FRYL: variants seen among roughly 807,000 people sequenced by gnomAD.
FRYL encodes FRY like transcription coactivator, also known as protein furry homolog-like.
In FRYL, 150 loss-of-function variants were observed where a neutral mutation model predicts 351.2. The ratio of observed to expected loss-of-function variants is 0.43; its 90% confidence interval spans 0.37 to 0.49. FRYL has a LOEUF of 0.49. Ranked by LOEUF, FRYL falls within the 20% of genes least tolerant of loss-of-function variation. FRYL has a pLI of 0.00. For missense variants in FRYL, 3,036 were observed against 3,619.3 expected (o/e 0.84, Z 4.13); for synonymous variants, 1,153 against 1,257.1 (o/e 0.92, Z 1.75).
rs1240629625 is a variant in FRYL, at chr4:48,570,891, T to C, written c.2932A>G (p.Ile978Val). Residue 978 changes from isoleucine to valine, a missense_variant, in exon 27 of 64, where the codon ATT becomes GTT. By Grantham distance (29) the Ile-to-Val change is conservative (BLOSUM62 3). Around this residue, in one of 7 missense-constraint regions of FRYL, gnomAD observed 492 missense variants for 551.5 expected, o/e 0.89. Coordinates refer to ENST00000358350, the MANE Select transcript of FRYL (RefSeq NM_015030.2). ...ENMKRRRRRD[I>V]LRVQLVRIFE... ...ATTCGTACCAGTTGTACTCGTAAAA[T>C]GTCTCGACGCCTGCGCCGTTTCATA... is the stretch of plus-strand genomic sequence containing the variant. The C allele has an allele frequency of 1.2e-6, 2 of 1,613,888 alleles. No individual in the cohort carries two copies. The highest frequency in any genetic ancestry group is 3.3e-5 in the Admixed American group (2 of 60,028).
At chr4:48,502,687 G>C in intron 61 of FRYL, 141 bp downstream of exon 61, 1 of 546,834 alleles carries the variant, frequency 1.8e-6, no homozygotes, top group Non-Finnish European at 3.3e-6. Context: ...CATGGATTAG[G>C]GCTTTGCAAA....
intron 4 of FRYL, among the ~76,000 whole-genome samples, chr4:48,628,345 A>G (rs908861366): frequency 2.0e-5 from 3 of 152,118 alleles, no homozygotes; most frequent in Non-Finnish European, 4.4e-5. Flanking sequence ...TGGCTGATAC[A>G]TAATAATCTC....
intron 4 of FRYL, among the ~76,000 whole-genome samples, chr4:48,626,567 C>G (rs1394206054): frequency 6.6e-6 from 1 of 151,832 alleles, no homozygotes; most frequent in Non-Finnish European, 1.5e-5. Context: ...GCTGGCTGCC[C>G]CTAACTTACT....
chr4:48,761,438 CAT>C (rs1399657238), intron 1 of FRYL, among the ~76,000 whole-genome samples: 1 of 152,140 alleles, frequency 6.6e-6, no homozygotes, highest in South Asian at 2.1e-4. Flanking sequence ...ATGCACTACT[CAT>C]GTGTCTGAGG....
At chr4:48,774,427 T>C (rs1013702191) in intron 1 of FRYL, among the ~76,000 whole-genome samples, 1 of 152,200 alleles carries the variant, frequency 6.6e-6, no homozygotes, top group Non-Finnish European at 1.5e-5. Context: ...ACATGGTCCC[T>C]TTCTTAACAC....
chr4:48,664,586 A>G (rs1305919069), intron 3 of FRYL, among the ~76,000 whole-genome samples: 1 of 152,200 alleles, frequency 6.6e-6, no homozygotes, highest in Non-Finnish European at 1.5e-5. Flanking sequence ...CACATAAAGA[A>G]GAGTCTAGGC....
chr4:48,577,376 TTAAGG>T (rs1339521034), intron 23 of FRYL, among the ~76,000 whole-genome samples: 3 of 152,188 alleles, frequency 2.0e-5, no homozygotes, highest in Non-Finnish European at 4.4e-5. Context: ...TTGTAATATG[TTAAGG>T]TAAGTAATGC....
chr4:48,755,944 A>G (rs1773728137), intron 1 of FRYL, among the ~76,000 whole-genome samples: 2 of 152,004 alleles, frequency 1.3e-5, no homozygotes, highest in Non-Finnish European at 2.9e-5. Context: ...ATTAAAAAAA[A>G]AAAAGAGGCC....
At chr4:48,705,844 CT>C (rs1010281001) in intron 2 of FRYL, among the ~76,000 whole-genome samples, 169 of 148,644 alleles carry the variant, frequency 1.1e-3, no homozygotes, top group African/African-American at 3.7e-3. Flanking sequence ...TATTCACCTC[CT>C]TTTTTTTTTG....
At chr4:48,778,829 T>C (rs1776302813) in intron 1 of FRYL, among the ~76,000 whole-genome samples, 1 of 152,160 alleles carries the variant, frequency 6.6e-6, no homozygotes, top group African/African-American at 2.4e-5. Flanking sequence ...CAAAACCCTT[T>C]TTCCCCCCCA....
chr4:48,625,294 C>G (rs1560739973), intron 4 of FRYL, among the ~76,000 whole-genome samples: 1 of 152,080 alleles, frequency 6.6e-6, no homozygotes, highest in African/African-American at 2.4e-5. Flanking sequence ...AAAATGTATA[C>G]ACATTTGCAA....
intron 11 of FRYL, 84 bp downstream of exon 11, chr4:48,605,657 T>G: frequency 1.1e-6 from 1 of 927,432 alleles, no homozygotes; most frequent in Non-Finnish European, 1.7e-6. Context: ...CATGTAAGTA[T>G]TTTTAGGACA....
chr4:48,777,867 G>C (rs1460087406), intron 1 of FRYL, among the ~76,000 whole-genome samples: 2 of 152,092 alleles, frequency 1.3e-5, no homozygotes, highest in Non-Finnish European at 2.9e-5. Flanking sequence ...GAAATATTAG[G>C]TGAAACAATG....
intron 2 of FRYL, among the ~76,000 whole-genome samples, chr4:48,686,574 TA>T: frequency 6.6e-6 from 1 of 152,212 alleles, no homozygotes; most frequent in South Asian, 2.1e-4. Context: ...CACTGGACAA[TA>T]TTTAATGAGA....
intron 27 of FRYL, among the ~76,000 whole-genome samples, chr4:48,569,848 C>T (rs1389669201): frequency 6.6e-6 from 1 of 152,216 alleles, no homozygotes; most frequent in Middle Eastern, 3.4e-3. Context: ...AAGTCTCGCT[C>T]TTTTCCCAGG....
At chr4:48,607,647 C>A (rs1340748690) in intron 9 of FRYL, among the ~76,000 whole-genome samples, 3 of 152,150 alleles carry the variant, frequency 2.0e-5, no homozygotes, top group Non-Finnish European at 2.9e-5. Flanking sequence ...TCAACCCCAC[C>A]ACCTGCCCCC....
chr4:48,741,123 G>A (rs765354487), intron 1 of FRYL, among the ~76,000 whole-genome samples: 2 of 152,098 alleles, frequency 1.3e-5, no homozygotes, highest in Non-Finnish European at 2.9e-5. Flanking sequence ...AAAAAGCCAT[G>A]GAGGCCGGGT....
chr4:48,510,846 C>T lies in FRYL; in HGVS notation c.8284G>A (p.Asp2762Asn). The T allele has an allele frequency of 6.2e-7, 1 of 1,611,678 alleles. No individual in the cohort carries two copies. The highest frequency in any genetic ancestry group is 8.5e-7 in the Non-Finnish European group (1 of 1,178,936). ...ATGTAAAAACTTACTGTTTCAGCAT[C>T]CACAAAGACTGTTGGGCATTCTGAA... is the stretch of plus-strand genomic sequence containing the variant. ...LCSECPTVFV[D>N]AETLMSCGLL... The change falls in exon 58 of 64, where the codon GAT (aspartate) becomes AAT (asparagine). Residue 2762 changes from aspartate to asparagine, a missense_variant. Physicochemically the swap from Asp to Asn is conservative, Grantham distance 23 (BLOSUM62 1). Coordinates refer to ENST00000358350, the MANE Select transcript of FRYL (RefSeq NM_015030.2).
chr4:48,682,719 C>T (rs4558842), intron 3 of FRYL, among the ~76,000 whole-genome samples: 149,868 of 152,330 alleles, frequency 0.98, 73,757 homozygotes, highest in East Asian at 1. Context: ...CACATTGAGA[C>T]ACCATCTCAT....
Sources: allele counts gnomAD v4.1 joint callset (sites outside exome capture counted in the v4.1 genomes callset), GRCh38; gene constraint gnomAD v4.1.1; regional missense constraint gnomAD v4.1.1; transcripts MANE v1.5; gene names NCBI Gene and HGNC (gene_info 2026-07-23, HGNC 2026-07-21).